The following LIN52 variants were observed in gnomAD, a reference collection of about 807,000 sequenced individuals.
LIN52 encodes the protein protein lin-52 homolog.
Under a neutral mutation model 18.5 loss-of-function variants are expected in LIN52, and 4 were observed. That is an observed-to-expected ratio of 0.22 (90% CI 0.11 to 0.49). The LOEUF (loss-of-function observed/expected upper bound fraction) is 0.49, where lower values mean the gene tolerates loss of function less well. LIN52 is among the 20% of genes least tolerant of loss of function. The pLI, the probability that LIN52 is intolerant of heterozygous loss-of-function variation, is 0.97. For synonymous variants in LIN52, 34 were observed against 45.5 expected, an observed-to-expected ratio of 0.75 and a Z score of 1.02; for missense variants, 102 against 139.5, an observed-to-expected ratio of 0.73 and a Z score of 1.35.
rs570680341 is a variant in LIN52, at chr14:74,097,786, T to A, written c.133-8T>A. 6.3e-7 allele frequency: 1 copy of A among 1,596,444 alleles called. No homozygotes were observed. Among genetic ancestry groups the A allele is most frequent in the East Asian group, 2.2e-5 (1 of 44,776 alleles). On this transcript the variant is annotated splice_region_variant and splice_polypyrimidine_tract_variant and intron_variant, in intron 3 of 5. Transcript: ENST00000555028. The stretch of plus-strand genomic sequence containing the variant: ...ATGTGTCTGAATGGATATATTATTT[T>A]TTGACAGCCTATTACTAGTTCTCCA...
At chr14:74,095,596 G>A (rs1004766655) in intron 2 of LIN52, among the ~76,000 whole-genome samples, 1 of 152,104 alleles carries the variant, frequency 6.6e-6, no homozygotes, top group African/African-American at 2.4e-5. Context: ...AATAAAATTG[G>A]ATTGACAGAA....
intron 5 of LIN52, among the ~76,000 whole-genome samples, chr14:74,130,284 T>TTTTTG (rs1566856543): frequency 7.8e-6 from 1 of 127,904 alleles, no homozygotes. Flanking sequence ...TTTGGTTTTT[T>TTTTTG]TTTTTTTTTT....
intron 5 of LIN52, among the ~76,000 whole-genome samples, chr14:74,147,744 G>A (rs866897869): frequency 6.6e-5 from 10 of 152,096 alleles, no homozygotes; most frequent in African/African-American, 9.7e-5. Context: ...AAAACACTAC[G>A]TAATTCCACT....
intron 5 of LIN52, among the ~76,000 whole-genome samples, chr14:74,161,488 G>A (rs1354291569): frequency 6.6e-6 from 1 of 152,168 alleles, no homozygotes; most frequent in Admixed American, 6.5e-5. Context: ...TGCCCGGTCT[G>A]AACAGGGAAA....
chr14:74,097,985 A>C, intron 4 of LIN52, 125 bp downstream of exon 4: 1 of 661,316 alleles, frequency 1.5e-6, no homozygotes, highest in African/African-American at 1.8e-5. Context: ...AAACCTCCTT[A>C]TTTGTAGTTT....
At chr14:74,113,358 T>C (rs1595158615) in intron 5 of LIN52, among the ~76,000 whole-genome samples, 1 of 151,854 alleles carries the variant, frequency 6.6e-6, no homozygotes, top group Non-Finnish European at 1.5e-5. Flanking sequence ...TGCCACTGCA[T>C]TCCAGCCTGG....
At chr14:74,137,538 G>T (rs2061105266) in intron 5 of LIN52, among the ~76,000 whole-genome samples, 1 of 124,270 alleles carries the variant, frequency 8.0e-6, no homozygotes, top group African/African-American at 3.2e-5. Flanking sequence ...TTGCTCTGTT[G>T]CCCAGGCTGG....
At chr14:74,158,504 G>A (rs2061210656) in intron 5 of LIN52, among the ~76,000 whole-genome samples, 3 of 151,380 alleles carry the variant, frequency 2.0e-5, no homozygotes, top group South Asian at 2.1e-4. Flanking sequence ...TTGAGACAGA[G>A]TTTTGCTCTT....
At chr14:74,185,711 C>T (rs891547058) in intron 5 of LIN52, among the ~76,000 whole-genome samples, 1 of 152,152 alleles carries the variant, frequency 6.6e-6, no homozygotes, top group Non-Finnish European at 1.5e-5. Flanking sequence ...TAACTAACTA[C>T]ATATAACAAC....
At chr14:74,112,351 A>T (rs1230802823) in intron 5 of LIN52, among the ~76,000 whole-genome samples, 1 of 150,942 alleles carries the variant, frequency 6.6e-6, no homozygotes, top group Non-Finnish European at 1.5e-5. Flanking sequence ...TCTGTTGCCC[A>T]GGCTGGAGTG....
At chr14:74,093,321 CTTT>C (rs1295151671) in intron 2 of LIN52, among the ~76,000 whole-genome samples, 3 of 120,548 alleles carry the variant, frequency 2.5e-5, no homozygotes, top group African/African-American at 9.5e-5. Flanking sequence ...TTCAATCACT[CTTT>C]TTTTTTTTTT....
intron 5 of LIN52, among the ~76,000 whole-genome samples, chr14:74,110,824 G>A (rs566609303): frequency 1.6e-3 from 241 of 151,770 alleles, no homozygotes; most frequent in African/African-American, 5.6e-3. Flanking sequence ...AAGTTAGCCG[G>A]GCGTGGTGGT....
intron 5 of LIN52, among the ~76,000 whole-genome samples, chr14:74,152,442 T>C (rs942954336): frequency 7.2e-5 from 11 of 152,040 alleles, no homozygotes; most frequent in Admixed American, 6.6e-4. Context: ...TACCTACTAA[T>C]AGGTACTTCA....
intron 5 of LIN52, among the ~76,000 whole-genome samples, chr14:74,143,548 C>T (rs1022200991): frequency 1.3e-5 from 2 of 152,116 alleles, no homozygotes; most frequent in Admixed American, 6.5e-5. Context: ...AATGAGAAGC[C>T]TCTGTCTCCA....
At chr14:74,108,185 C>T (rs189466658) in intron 5 of LIN52, among the ~76,000 whole-genome samples, 1 of 151,884 alleles carries the variant, frequency 6.6e-6, no homozygotes, top group East Asian at 1.9e-4. Context: ...TTCAATTATG[C>T]TATAGCATGT....
chr14:74,157,406 C>A (rs994798587), intron 5 of LIN52, among the ~76,000 whole-genome samples: 23 of 151,466 alleles, frequency 1.5e-4, no homozygotes, highest in Non-Finnish European at 7.4e-5. Flanking sequence ...ACCACAGATA[C>A]TTCTTTGAAA....
At chr14:74,117,854 C>T (rs765763355) in intron 5 of LIN52, among the ~76,000 whole-genome samples, 4 of 152,188 alleles carry the variant, frequency 2.6e-5, no homozygotes, top group Non-Finnish European at 4.4e-5. Context: ...ATGACTTTGG[C>T]ATATGTATAA....
chr14:74,162,909 A>G (rs972676875), intron 5 of LIN52, among the ~76,000 whole-genome samples: 1 of 152,162 alleles, frequency 6.6e-6, no homozygotes, highest in Non-Finnish European at 1.5e-5. Context: ...TAGTGAACTC[A>G]GGGACTGTGC....
intron 5 of LIN52, among the ~76,000 whole-genome samples, chr14:74,139,158 A>G (rs1226745734): frequency 2.6e-5 from 4 of 152,220 alleles, no homozygotes; most frequent in African/African-American, 9.6e-5. Flanking sequence ...TTTTCTTTTT[A>G]AGCAGCCTTC....
Sources: allele counts gnomAD v4.1 joint callset (sites outside exome capture counted in the v4.1 genomes callset), GRCh38; gene constraint gnomAD v4.1.1; transcripts MANE v1.5; gene names NCBI Gene and HGNC (gene_info 2026-07-23, HGNC 2026-07-21).